Variants in CUL2 observed in about 807,000 individuals in gnomAD.
CUL2 encodes cullin-2.
In CUL2, 22 loss-of-function variants were observed where a neutral mutation model predicts 110.2. The observed-to-expected ratio is 0.20, with a 90% CI of 0.14 to 0.28. CUL2 has a LOEUF of 0.28. CUL2 is among the 10% of genes least tolerant of loss of function. The pLI is 1.00. For synonymous variants in CUL2, 279 were observed against 293.2 expected, an observed-to-expected ratio of 0.95 and a Z score of 0.49; for missense variants, 631 against 905.5, an observed-to-expected ratio of 0.70 and a Z score of 3.89.
chr10:35,030,272 T>A (rs1048632854), intron 14 of CUL2, among the ~76,000 whole-genome samples: 5 of 152,230 alleles, frequency 3.3e-5, no homozygotes, highest in African/African-American at 1.2e-4. Context: ...ATCTACTGAG[T>A]GCTGAAGAAA....
In CUL2 at chr10:35,110,939, T is replaced by C. The variant is rs560712126; in HGVS notation, c.-50-9879A>G. 3.3e-5 allele frequency among the ~76,000 whole-genome samples: 5 copies of C among 152,296 alleles called. No homozygotes were observed. The East Asian group carries it at 9.6e-4, about 29-fold the overall frequency. ...TTTGGGAGAGACACATAACAGCCCA[T>C]AACAGAAGTCAAGAATGGAAGTAGC... On this transcript the variant is annotated intron_variant, in intron 1 of 5. Transcript: ENST00000685421.
intron 5 of CUL2, among the ~76,000 whole-genome samples, chr10:35,051,831 TCA>T (rs1051002174): frequency 1.3e-5 from 2 of 152,228 alleles, no homozygotes; most frequent in African/African-American, 2.4e-5. Flanking sequence ...CTTGAAAGTT[TCA>T]CAGTCTGTCC....
chr10:35,060,792 T>C (rs2086362317), intron 4 of CUL2, 82 bp downstream of exon 4: 2 of 1,075,418 alleles, frequency 1.9e-6, no homozygotes, highest in Non-Finnish European at 2.8e-6. Flanking sequence ...GAATGAGAAA[T>C]AGGCAATAAA....
chr10:35,018,022 G>A (rs959740907), intron 17 of CUL2, among the ~76,000 whole-genome samples: 14 of 151,670 alleles, frequency 9.2e-5, no homozygotes, highest in African/African-American at 3.4e-4. Context: ...CAGGCGTGGT[G>A]GCTCACGCCT....
chr10:35,064,954 C>T (rs1378846819), intron 2 of CUL2, among the ~76,000 whole-genome samples: 2 of 152,208 alleles, frequency 1.3e-5, no homozygotes, highest in Non-Finnish European at 2.9e-5. Flanking sequence ...TCTCCCATTT[C>T]ATTCCATATA....
intron 17 of CUL2, among the ~76,000 whole-genome samples, chr10:35,018,593 G>A (rs904733490): frequency 4.6e-5 from 7 of 151,624 alleles, no homozygotes; most frequent in Admixed American, 1.3e-4. Flanking sequence ...GAGAAACCCC[G>A]TCTCTACTAA....
At chr10:35,069,057 C>T (rs978775067) in intron 2 of CUL2, among the ~76,000 whole-genome samples, 2 of 151,958 alleles carry the variant, frequency 1.3e-5, no homozygotes, top group African/African-American at 2.4e-5. Flanking sequence ...TTAGTAGAGA[C>T]GAGGTTTCGC....
intron 1 of CUL2, among the ~76,000 whole-genome samples, chr10:35,123,452 T>C (rs1427008492): frequency 6.6e-6 from 1 of 151,888 alleles, no homozygotes; most frequent in Non-Finnish European, 1.5e-5. Context: ...TAGGATGAAC[T>C]ATAATGGAAG....
At chr10:35,063,691 A>C (rs1245448825) in intron 2 of CUL2, among the ~76,000 whole-genome samples, 2 of 151,064 alleles carry the variant, frequency 1.3e-5, no homozygotes, top group Admixed American at 1.3e-4. Context: ...CTGAGACTTT[A>C]CCTTTCACTA....
chr10:35,021,811 CGAGGTGGGGT>C (rs2085198377), intron 17 of CUL2, among the ~76,000 whole-genome samples: 1 of 101,618 alleles, frequency 9.8e-6, no homozygotes, highest in African/African-American at 3.7e-5. Flanking sequence ...TGAGGAGAGG[CGAGGTGGGGT>C]GAGGTGAGGC....
In CUL2 at chr10:35,009,029, T is replaced by A. The variant is rs1047292037; in HGVS notation, c.*1282A>T. 2.6e-5 allele frequency: 4 copies of A among 151,928 alleles called. No individual in the cohort carries two copies. The highest frequency in any genetic ancestry group is 2.0e-4 in the Admixed American group (3 of 15,226). The allele number at this position is 151,928 out of a possible 1,614,324, so 9.4% of individuals were successfully genotyped here. A position where few individuals can be genotyped will look rare whatever the true frequency, so the allele number is the denominator to read the frequency against. ...TTGCTTGAGGCCAGAAGTTCCAGAC[T>A]AGCCTGGGAAACATGGCGAAACCCC... On this transcript the variant is annotated 3_prime_UTR_variant, in exon 21 of 21. Transcript: ENST00000374749.
rs1467596137 is a variant in CUL2 at position 35,035,395 on chromosome 10, T to G, written c.878-99A>C. The G allele has an allele frequency of 1.6e-5, 21 of 1,337,848 alleles. No homozygotes were observed. In the East Asian group the frequency reaches 4.6e-4, roughly 30 times the overall value. 82.9% of individuals were successfully genotyped at this position (1,337,848 alleles called of 1,614,324 possible). A position where few individuals can be genotyped will look rare whatever the true frequency, so the allele number is the denominator to read the frequency against. ...CAGGAGTACAATATACGGATCCAAG[T>G]GCAGAGCACCCAGAGAAAAGTCCCC... On this transcript the variant is annotated intron_variant, in intron 9 of 20. Transcript: ENST00000374749.
intron 4 of CUL2, among the ~76,000 whole-genome samples, chr10:35,055,614 C>T (rs2086223281): frequency 1.3e-5 from 2 of 152,094 alleles, no homozygotes; most frequent in Admixed American, 1.3e-4. Flanking sequence ...AAGTGGTATA[C>T]CCACAACCAT....
chr10:35,050,545 T>G (rs2086077070), intron 5 of CUL2, among the ~76,000 whole-genome samples: 1 of 152,214 alleles, frequency 6.6e-6, no homozygotes, highest in Non-Finnish European at 1.5e-5. Context: ...CTACCCAGTT[T>G]AAGAAATACA....
intron 1 of CUL2, among the ~76,000 whole-genome samples, chr10:35,116,583 T>A (rs1318763444): frequency 6.6e-6 from 1 of 152,202 alleles, no homozygotes; most frequent in Non-Finnish European, 1.5e-5. Context: ...AATCTGAAAT[T>A]TTCCTTATTT....
At chr10:35,113,498 CAAAAAAAAAAAAAAA>C (rs59518617) in intron 1 of CUL2, among the ~76,000 whole-genome samples, 2 of 33,308 alleles carry the variant, frequency 6.0e-5, no homozygotes, top group Non-Finnish European at 1.1e-4. Context: ...GACTCTGCCT[CAAAAAAAAAAAAAAA>C]AAAAAAAAAA....
chr10:35,026,989 C>A (rs2085351763), intron 16 of CUL2, among the ~76,000 whole-genome samples: 1 of 151,938 alleles, frequency 6.6e-6, no homozygotes, highest in African/African-American at 2.4e-5. Context: ...CCCCCCTCCT[C>A]CCAGACTAAA....
chr10:35,119,575 T>C (rs1314547555), intron 1 of CUL2, among the ~76,000 whole-genome samples: 1 of 145,130 alleles, frequency 6.9e-6, no homozygotes, highest in Non-Finnish European at 1.5e-5. Flanking sequence ...TTTATTTATT[T>C]ATTTATTTAT....
Position 35,038,937 on chromosome 10 carries a change from C to A in CUL2, c.860G>T (p.Arg287Leu), listed in dbSNP as rs1375537047. Residue 287 changes from arginine to leucine, a missense_variant, in exon 9 of 21, where the codon CGA becomes CTA. By Grantham distance (102) the Arg-to-Leu change is moderately radical (BLOSUM62 -2). Around this residue, in one of 3 missense-constraint regions of CUL2, gnomAD observed 338 missense variants for 442.5 expected, o/e 0.76. Transcript: ENST00000374749. ...FLHAECHNIIRQEKKNDMANM... is the reference protein window; with the variant it reads ...FLHAECHNIILQEKKNDMANM... Reference sequence around the variant, plus strand: ...TCACTTACCATTTTTTTTCTCTTGTCGAATTATATTATGACATTCTGCATG... The same window carrying A: ...TCACTTACCATTTTTTTTCTCTTGTAGAATTATATTATGACATTCTGCATG... The A allele has an allele frequency of 6.3e-7, 1 of 1,585,164 alleles. No homozygotes were observed. The highest frequency in any genetic ancestry group is 8.6e-7 in the Non-Finnish European group (1 of 1,167,816).
Sources: gnomAD v4.1 joint callset for allele counts (sites outside exome capture counted in the v4.1 genomes callset) on GRCh38, gnomAD v4.1.1 for gene constraint, gnomAD v4.1.1 regional missense constraint, MANE v1.5 for transcripts, NCBI Gene and HGNC (gene_info 2026-07-23, HGNC 2026-07-21) for gene names.